WWOX: variants seen among roughly 807,000 people sequenced by gnomAD.
The protein encoded by WWOX is WW domain containing oxidoreductase, also known as WW domain-containing oxidoreductase.
WWOX carries 69 observed loss-of-function variants against 46.2 expected under a neutral mutation model. The observed-to-expected ratio is 1.49, with a 90% CI of 1.23 to 1.82. The LOEUF (loss-of-function observed/expected upper bound fraction) is 1.82. Ranked by LOEUF, WWOX falls within the 40% of genes most tolerant of loss-of-function variation. The pLI is 0.00. For synonymous variants in WWOX, 359 were observed against 202.6 expected, an observed-to-expected ratio of 1.77 and a Z score of -6.56; for missense variants, 919 against 542.6, an observed-to-expected ratio of 1.69 and a Z score of -6.89.
chr16:79,190,256 C>G (rs749403864), intron 8 of WWOX, among the ~76,000 whole-genome samples: 4 of 152,076 alleles, frequency 2.6e-5, no homozygotes, highest in Non-Finnish European at 4.4e-5. Context: ...AACTCCTGAC[C>G]TCAAGTGATC....
intron 8 of WWOX, among the ~76,000 whole-genome samples, chr16:78,516,192 C>T (rs921488709): frequency 1.3e-5 from 2 of 152,132 alleles, no homozygotes; most frequent in African/African-American, 2.4e-5. Context: ...GACAGCGCCC[C>T]GGGAGTCCTT....
In WWOX at chr16:78,476,649, T is replaced by C. The variant is rs568996647; in HGVS notation, c.1056+43897T>C. ...AAAAAAAGAACTGGAGCATCGACTT[T>C]CGTTTTCATTTCAAGACCCGTCCCC... On this transcript the variant is annotated intron_variant, in intron 8 of 8. Coordinates refer to ENST00000566780, the MANE Select transcript of WWOX (RefSeq NM_016373.4). Among the ~76,000 whole-genome samples the C allele has an allele frequency of 1.4e-4, 22 of 152,164 alleles. No homozygotes were observed. The South Asian group carries it at 3.9e-3, about 27-fold the overall frequency.
At chr16:78,963,833 C>A (rs189716617) in intron 8 of WWOX, among the ~76,000 whole-genome samples, 2 of 152,230 alleles carry the variant, frequency 1.3e-5, no homozygotes, top group East Asian at 3.9e-4. Context: ...ATCGTATCTC[C>A]CAGAATTCCC....
chr16:78,641,635 G>T (rs191422867), intron 8 of WWOX, among the ~76,000 whole-genome samples: 1 of 152,162 alleles, frequency 6.6e-6, no homozygotes, highest in Non-Finnish European at 1.5e-5. Flanking sequence ...TGCCCGGCTC[G>T]TGGTTAACCC....
chr16:78,329,573 G>C (rs1389630236), intron 5 of WWOX, among the ~76,000 whole-genome samples: 2 of 152,178 alleles, frequency 1.3e-5, no homozygotes, highest in African/African-American at 4.8e-5. Flanking sequence ...GATGAACTTT[G>C]TGGCATCTGG....
At chr16:78,410,174 CTG>C (rs2082645424) in intron 6 of WWOX, among the ~76,000 whole-genome samples, 1 of 152,200 alleles carries the variant, frequency 6.6e-6, no homozygotes, top group African/African-American at 2.4e-5. Flanking sequence ...TCCGCCATGA[CTG>C]TAAGCCTCCT....
chr16:78,753,814 A>C (rs2049549738), intron 8 of WWOX, among the ~76,000 whole-genome samples: 1 of 84,662 alleles, frequency 1.2e-5, no homozygotes, highest in Admixed American at 1.2e-4. Context: ...AAAAAAAAAA[A>C]AAAAAAAAAA....
At chr16:79,052,161 G>T (rs1355160443) in intron 8 of WWOX, among the ~76,000 whole-genome samples, 1 of 151,836 alleles carries the variant, frequency 6.6e-6, no homozygotes, top group Non-Finnish European at 1.5e-5. Context: ...CTAGCATTAG[G>T]TATATCTCCC....
chr16:78,808,625 A>T (rs2051104581), intron 8 of WWOX, among the ~76,000 whole-genome samples: 1 of 152,220 alleles, frequency 6.6e-6, no homozygotes, highest in African/African-American at 2.4e-5. Flanking sequence ...GGTTTAAAAT[A>T]AACTCCAACA....
At chr16:78,438,996 G>A (rs577835918) in intron 8 of WWOX, among the ~76,000 whole-genome samples, 6 of 152,230 alleles carry the variant, frequency 3.9e-5, no homozygotes, top group Admixed American at 6.5e-5. Context: ...GATAATAGAT[G>A]TTGATTTGTT....
rs747230468 is a variant in WWOX at position 79,212,312 on chromosome 16, A to C, written c.*516A>C. 49 of 870,022 alleles carry C rather than the reference A, an allele frequency of 5.6e-5. No homozygotes were observed. The highest frequency in any genetic ancestry group is 8.3e-5 in the Non-Finnish European group (49 of 590,670). The allele number at this position is 870,022 out of a possible 1,614,324, so 53.9% of individuals were successfully genotyped here. On this transcript the variant is annotated 3_prime_UTR_variant, in exon 9 of 9. Transcript: ENST00000566780. ...CAGCTTAGCAACTGCTGGGGAGACAAATCTCAGAACCTTGTCCCAGCCAGT... is the reference window on the plus strand; with the variant it reads ...CAGCTTAGCAACTGCTGGGGAGACACATCTCAGAACCTTGTCCCAGCCAGT...
intron 8 of WWOX, among the ~76,000 whole-genome samples, chr16:78,499,539 C>T (rs77243191): frequency 0.029 from 4,395 of 152,322 alleles, 197 homozygotes; most frequent in African/African-American, 0.1. Flanking sequence ...CAGCTGTCTC[C>T]TTGAGTCCAC....
chr16:78,196,016 A>G (rs1008829656), intron 5 of WWOX, among the ~76,000 whole-genome samples: 2 of 152,158 alleles, frequency 1.3e-5, no homozygotes, highest in Non-Finnish European at 2.9e-5. Context: ...GCTTCCTTCT[A>G]TTAGAGAAGA....
At chr16:78,637,787 C>T (rs1396745225) in intron 8 of WWOX, among the ~76,000 whole-genome samples, 1 of 152,094 alleles carries the variant, frequency 6.6e-6, no homozygotes. Flanking sequence ...GTGTAGGGGA[C>T]CTAGGGCCTG....
At position 78,521,571 on chromosome 16, in the gene WWOX, G is replaced by A. The variant is rs1007455344; in HGVS notation, c.1056+88819G>A. 2.6e-5 allele frequency among the ~76,000 whole-genome samples: 4 copies of A among 152,306 alleles called. No individual in the cohort carries two copies. In the South Asian group the frequency reaches 8.3e-4, roughly 32 times the overall value. On this transcript the variant is annotated intron_variant, in intron 8 of 8. Coordinates refer to ENST00000566780, the MANE Select transcript of WWOX (RefSeq NM_016373.4). ...AGAGTTCTACTTATATTACAGGGTT[G>A]TCATGCAAGTTGATGAATTAAATAC...
At chr16:78,840,072 A>G (rs1281771599) in intron 8 of WWOX, among the ~76,000 whole-genome samples, 1 of 152,266 alleles carries the variant, frequency 6.6e-6, no homozygotes, top group Non-Finnish European at 1.5e-5. Flanking sequence ...ATGAGTTAGC[A>G]CATGAGAACA....
chr16:78,392,769 A>G lies in WWOX; in HGVS notation c.605+5821A>G, dbSNP rs138248177. ...TCAGAGGCAGTGGTGTAATCGTCCA[A>G]GAGTACACACAGGCCTGATTGCCAA... On this transcript the variant is annotated intron_variant, in intron 6 of 8. Coordinates refer to ENST00000566780, the MANE Select transcript of WWOX (RefSeq NM_016373.4). Among the ~76,000 whole-genome samples, 532 of 152,280 alleles carry G rather than the reference A, an allele frequency of 3.5e-3. 1 individual carries two copies. Among genetic ancestry groups the G allele is most frequent in the Non-Finnish European group, 5.4e-3 (368 of 68,012 alleles).
chr16:78,703,644 T>G (rs9935132), intron 8 of WWOX, among the ~76,000 whole-genome samples: 389 of 152,054 alleles, frequency 2.6e-3, no homozygotes, highest in African/African-American at 8.2e-3. Context: ...TGTTTGTTTG[T>G]TTGGTTTTTT....
chr16:78,394,085 T>A (rs1352158420), intron 6 of WWOX, among the ~76,000 whole-genome samples: 1 of 152,198 alleles, frequency 6.6e-6, no homozygotes, highest in Non-Finnish European at 1.5e-5. Context: ...CCAAATTTTG[T>A]GGGATGAATT....
Sources: allele counts gnomAD v4.1 joint callset (sites outside exome capture counted in the v4.1 genomes callset), GRCh38; gene constraint gnomAD v4.1.1; transcripts MANE v1.5; gene names NCBI Gene and HGNC (gene_info 2026-07-23, HGNC 2026-07-21).